Variants in PLB1 observed in about 807,000 individuals in gnomAD.
The protein encoded by PLB1 is phospholipase B1.
Under a neutral mutation model 227.4 loss-of-function variants are expected in PLB1, and 242 were observed. The observed-to-expected ratio is 1.06, with a 90% CI of 0.96 to 1.18. The LOEUF is 1.18. Among genes scored for constraint, PLB1 ranks in the 50% most tolerant of loss-of-function variants. The pLI, the probability that PLB1 is intolerant of heterozygous loss-of-function variation, is 0.00. For missense variants in PLB1, 1,858 were observed against 1,816.3 expected (o/e 1.02, Z -0.42); for synonymous variants, 757 against 682.2 (o/e 1.11, Z -1.71).
intron 44 of PLB1, among the ~76,000 whole-genome samples, chr2:28,617,178 T>C (rs1686311503): frequency 6.6e-6 from 1 of 152,172 alleles, no homozygotes; most frequent in South Asian, 2.1e-4. Flanking sequence ...TTAAGTTAAA[T>C]ATGCAAAAAG....
At chr2:28,630,503 C>A in intron 53 of PLB1, 83 bp from the exon 54 acceptor site, 1 of 1,251,092 alleles carries the variant, frequency 8.0e-7, no homozygotes, top group Non-Finnish European at 1.1e-6. Context: ...TAGTGGCCTG[C>A]TCTGTGTGTC....
intron 32 of PLB1, among the ~76,000 whole-genome samples, 154 bp from the exon 33 acceptor site, chr2:28,593,527 G>T (rs1477378665): frequency 6.6e-6 from 1 of 152,202 alleles, no homozygotes; most frequent in African/African-American, 2.4e-5. Context: ...TGGAGAGGAG[G>T]ATGGCAGACT....
chr2:28,561,911 T>C (rs930402919), intron 17 of PLB1, among the ~76,000 whole-genome samples: 2 of 89,110 alleles, frequency 2.2e-5, no homozygotes, highest in African/African-American at 7.8e-5. Flanking sequence ...ATAAAATGAA[T>C]GTATTGATAC....
At chr2:28,510,875 A>G (rs1668173497) in intron 1 of PLB1, among the ~76,000 whole-genome samples, 1 of 150,406 alleles carries the variant, frequency 6.6e-6, no homozygotes, top group Non-Finnish European at 1.5e-5. Context: ...TAATCCTTCC[A>G]CCTCGGTCTC....
intron 54 of PLB1, 60 bp downstream of exon 54, chr2:28,630,724 C>A: frequency 7.1e-7 from 1 of 1,412,140 alleles, no homozygotes; most frequent in Non-Finnish European, 9.8e-7. Flanking sequence ...ACTCCAAGGA[C>A]TGGGAAATCG....
At chr2:28,564,590 CT>C (rs1162887488) in intron 18 of PLB1, among the ~76,000 whole-genome samples, 4 of 152,156 alleles carry the variant, frequency 2.6e-5, no homozygotes, top group Admixed American at 6.5e-5. Flanking sequence ...GGCACAGCTG[CT>C]CAGGGGTTCC....
intron 54 of PLB1, among the ~76,000 whole-genome samples, chr2:28,631,038 C>T (rs751627243): frequency 5.9e-5 from 9 of 151,798 alleles, no homozygotes; most frequent in Admixed American, 6.6e-5. Context: ...TCTGGTGTCC[C>T]AGCTACTCAG....
Position 28,638,279 on chromosome 2 carries a change from G to A in PLB1, c.4099-2648G>A, listed in dbSNP as rs971746817. On this transcript the variant is annotated intron_variant, in intron 56 of 57. Transcript: ENST00000327757. The stretch of plus-strand genomic sequence containing the variant: ...TGAAGAAGTGACAGTGAATTGAGAA[G>A]CGCATGTCAAGGGGTTGCCAGGCAG... 5.3e-5 allele frequency among the ~76,000 whole-genome samples: 8 copies of A among 152,156 alleles called. No homozygotes were observed. The East Asian group carries it at 1.6e-3, about 30-fold the overall frequency.
At chr2:28,570,482 A>C (rs1609257) in intron 20 of PLB1, among the ~76,000 whole-genome samples, 149,010 of 152,320 alleles carry the variant, frequency 0.98, 72,905 homozygotes, top group East Asian at 1. Flanking sequence ...AACACCACTT[A>C]ATGATAGAAA....
chr2:28,496,288 G>T, intron 1 of PLB1, 119 bp downstream of exon 1: 1 of 1,028,364 alleles, frequency 9.7e-7, no homozygotes. Context: ...AGCACAAAGC[G>T]TACAGTTCAA....
At chr2:28,618,765 A>G (rs957311436) in intron 46 of PLB1, among the ~76,000 whole-genome samples, 3 of 152,150 alleles carry the variant, frequency 2.0e-5, no homozygotes, top group Non-Finnish European at 4.4e-5. Context: ...GGTCTTACAC[A>G]CACACTGCCC....
At chr2:28,579,734 A>G in intron 23 of PLB1, 27 bp downstream of exon 23, 1 of 1,581,294 alleles carries the variant, frequency 6.3e-7, no homozygotes, top group Non-Finnish European at 8.7e-7. Flanking sequence ...TTTACTCAAG[A>G]CTCACCCCCA....
chr2:28,514,392 T>G (rs1201325756), intron 1 of PLB1, among the ~76,000 whole-genome samples: 1 of 146,790 alleles, frequency 6.8e-6, no homozygotes, highest in African/African-American at 2.4e-5. Flanking sequence ...AACTTTGTTC[T>G]TCTTCAATAT....
intron 43 of PLB1, among the ~76,000 whole-genome samples, chr2:28,611,263 G>A (rs1048308193): frequency 6.6e-6 from 1 of 152,132 alleles, no homozygotes; most frequent in African/African-American, 2.4e-5. Flanking sequence ...TCCCCAACCT[G>A]TAGATCTTGT....
intron 6 of PLB1, among the ~76,000 whole-genome samples, chr2:28,528,651 C>T (rs1475611880): frequency 6.6e-6 from 1 of 152,250 alleles, no homozygotes; most frequent in East Asian, 1.9e-4. Context: ...CTTGATTTTT[C>T]TCAGTCTCAG....
chr2:28,573,362 G>T, intron 21 of PLB1, 57 bp downstream of exon 21: 1 of 1,367,754 alleles, frequency 7.3e-7, no homozygotes, highest in Non-Finnish European at 1.0e-6. Flanking sequence ...ACCAGGGGTG[G>T]GCTTGGCCTA....
In PLB1 at chr2:28,620,293, C is replaced by T; in HGVS notation, c.3344C>T (p.Ser1115Phe). 1 of 1,606,372 alleles carries T rather than the reference C, an allele frequency of 6.2e-7. No homozygotes were observed. The highest frequency in any genetic ancestry group is 8.5e-7 in the Non-Finnish European group (1 of 1,175,680). The change falls in exon 47 of 58, where the codon TCC becomes TTC. Residue 1115 changes from serine (S) to phenylalanine (F), a missense_variant. Physicochemically the swap from Ser to Phe is radical, Grantham distance 155. Coordinates refer to ENST00000327757, the MANE Select transcript of PLB1 (RefSeq NM_153021.5). ...TTAVGARPNN[S>F]SDLPTSWRGL... ...GCAGTGGGAGCTCGACCAAACAACT[C>T]CAGTGACCTACCCACATCTTGGAGG...
At chr2:28,615,681 C>G (rs549986629) in intron 44 of PLB1, among the ~76,000 whole-genome samples, 2 of 152,204 alleles carry the variant, frequency 1.3e-5, no homozygotes, top group African/African-American at 4.8e-5. Flanking sequence ...TCTTGTGAAT[C>G]AGGCATTTCT....
intron 43 of PLB1, among the ~76,000 whole-genome samples, chr2:28,609,341 T>C (rs1685118756): frequency 6.6e-6 from 1 of 152,136 alleles, no homozygotes; most frequent in Non-Finnish European, 1.5e-5. Flanking sequence ...TCATTTCTCC[T>C]TTCCCGAACT....
Sources: gnomAD v4.1 joint callset for allele counts (sites outside exome capture counted in the v4.1 genomes callset) on GRCh38, gnomAD v4.1.1 for gene constraint, MANE v1.5 for transcripts, NCBI Gene and HGNC (gene_info 2026-07-23, HGNC 2026-07-21) for gene names.